MTF1: variants seen among roughly 807,000 people sequenced by gnomAD.
The protein encoded by MTF1 is metal regulatory transcription factor 1.
A neutral mutation model predicts 70.4 loss-of-function variants in MTF1; 22 were observed. The observed-to-expected ratio is 0.31, with a 90% CI of 0.22 to 0.45. MTF1 has a LOEUF of 0.45. Ranked by LOEUF, MTF1 falls within the 20% of genes least tolerant of loss-of-function variation. The pLI, the probability that MTF1 is intolerant of heterozygous loss-of-function variation, is 1.00. For missense variants in MTF1, 649 were observed against 922.0 expected (o/e 0.70, Z 3.83); for synonymous variants, 333 against 352.8 (o/e 0.94, Z 0.63).
At chr1:37,851,830 C>T (rs1456506178) in intron 2 of MTF1, among the ~76,000 whole-genome samples, 2 of 151,510 alleles carry the variant, frequency 1.3e-5, no homozygotes, top group Non-Finnish European at 2.9e-5. Context: ...TGCCTCATCA[C>T]TCTTCTTCCT....
chr1:37,859,367 A>T (rs1240153289), intron 1 of MTF1, among the ~76,000 whole-genome samples, 164 bp downstream of exon 1: 1 of 152,130 alleles, frequency 6.6e-6, no homozygotes, highest in Non-Finnish European at 1.5e-5. Context: ...CCATGGAAAC[A>T]GGGAAGGGGG....
rs990941518 is a variant in MTF1 at position 37,812,702 on chromosome 1, C to T, written c.*2434G>A. On this transcript the variant is annotated 3_prime_UTR_variant, in exon 11 of 11. Coordinates refer to ENST00000373036, the MANE Select transcript of MTF1 (RefSeq NM_005955.3). ...CACTTCCGCCCCAGGGAACCCAAAT[C>T]CCAGGTGACCACAGGATGGGGATAT... 6.6e-6 allele frequency: 1 copy of T among 152,182 alleles called. No homozygotes were observed. The highest frequency in any genetic ancestry group is 6.5e-5 in the Admixed American group (1 of 15,274). The allele number at this position is 152,182 out of a possible 1,614,324, so 9.4% of individuals were successfully genotyped here.
intron 7 of MTF1, among the ~76,000 whole-genome samples, chr1:37,825,328 C>G (rs749593957): frequency 3.3e-5 from 5 of 152,126 alleles, no homozygotes; most frequent in Admixed American, 6.6e-5. Flanking sequence ...CCTTCAACTC[C>G]CGGGCTCAAG....
At chr1:37,854,966 G>C (rs374240656) in intron 2 of MTF1, among the ~76,000 whole-genome samples, 33 of 152,328 alleles carry the variant, frequency 2.2e-4, no homozygotes, top group African/African-American at 7.2e-4. Flanking sequence ...GGCTGAGGCA[G>C]GAGAATCGCT....
chr1:37,826,117 G>T (rs943826900), intron 7 of MTF1, among the ~76,000 whole-genome samples: 1 of 152,150 alleles, frequency 6.6e-6, no homozygotes, highest in Non-Finnish European at 1.5e-5. Flanking sequence ...TTGCCCTAGT[G>T]CCAACATACG....
intron 9 of MTF1, among the ~76,000 whole-genome samples, chr1:37,820,088 G>A (rs942509061): frequency 1.3e-5 from 2 of 152,012 alleles, no homozygotes; most frequent in Non-Finnish European, 2.9e-5. Flanking sequence ...CATGGAGGCG[G>A]GCTGGGTCAC....
chr1:37,852,179 C>T (rs765571531), intron 2 of MTF1, among the ~76,000 whole-genome samples: 1 of 152,292 alleles, frequency 6.6e-6, no homozygotes, highest in Non-Finnish European at 1.5e-5. Context: ...AATTCTCAGG[C>T]CAACTCTTAC....
chr1:37,809,825 T>TG lies in MTF1; in HGVS notation c.*5310_*5311insC, dbSNP rs1640674625. On this transcript the variant is annotated 3_prime_UTR_variant, in exon 11 of 11. Coordinates refer to ENST00000373036, the MANE Select transcript of MTF1 (RefSeq NM_005955.3). ...ACGTTTTCACATCGCTCAGTGGAAG[T>TG]CCGTTGTTCCCATGTTTCACACTTA... 2.0e-5 allele frequency: 3 copies of TG among 152,624 alleles called. No homozygotes were observed. The highest frequency in any genetic ancestry group is 4.4e-5 in the Non-Finnish European group (3 of 68,040). The allele number at this position is 152,624 out of a possible 1,614,324, so 9.5% of individuals were successfully genotyped here.
intron 6 of MTF1, among the ~76,000 whole-genome samples, chr1:37,834,079 A>T (rs1641127652): frequency 6.6e-6 from 1 of 152,024 alleles, no homozygotes; most frequent in African/African-American, 2.4e-5. Context: ...ACACAAAAAA[A>T]ACCTGGGTGT....
At chr1:37,846,164 T>C (rs1481368790) in intron 2 of MTF1, among the ~76,000 whole-genome samples, 4 of 152,150 alleles carry the variant, frequency 2.6e-5, no homozygotes, top group East Asian at 1.9e-4. Context: ...TAGGAATACA[T>C]ATAAAAATTG....
intron 2 of MTF1, among the ~76,000 whole-genome samples, chr1:37,850,579 A>AGG (rs1413087629): frequency 6.6e-6 from 1 of 152,056 alleles, no homozygotes; most frequent in Non-Finnish European, 1.5e-5. Flanking sequence ...AGAGAGAGAG[A>AGG]GAGAGAGAGA....
intron 9 of MTF1, among the ~76,000 whole-genome samples, chr1:37,819,951 C>CAAAAAAAAAAAAA (rs766621404): frequency 3.6e-5 from 3 of 82,698 alleles, no homozygotes; most frequent in South Asian, 4.7e-4. Context: ...GACTCTGACT[C>CAAAAAAAAAAAAA]AAAAAAAAAA....
Position 37,810,562 on chromosome 1 carries a change from A to T in MTF1, c.*4574T>A, listed in dbSNP as rs761209021. ...CAGGACTGTTTCCCTCTCTCCCTAA[A>T]AAACATGCAAGAGGAAACAGGCCAA... On this transcript the variant is annotated 3_prime_UTR_variant, in exon 11 of 11. Transcript: ENST00000373036. 1.1e-4 allele frequency: 17 copies of T among 152,342 alleles called. No individual in the cohort carries two copies. The highest frequency in any genetic ancestry group is 2.2e-4 in the Non-Finnish European group (15 of 68,028). 9.4% of individuals were successfully genotyped at this position (152,342 alleles called of 1,614,324 possible). A position where few individuals can be genotyped will look rare whatever the true frequency, so the allele number is the denominator to read the frequency against.
intron 7 of MTF1, among the ~76,000 whole-genome samples, chr1:37,824,903 G>C (rs981115831): frequency 2.6e-5 from 4 of 151,964 alleles, no homozygotes; most frequent in Non-Finnish European, 4.4e-5. Context: ...AAAATGTGAG[G>C]GGGGAGACCC....
At chr1:37,836,939 A>C in intron 4 of MTF1, among the ~76,000 whole-genome samples, 2 of 124,308 alleles carry the variant, frequency 1.6e-5, no homozygotes, top group Non-Finnish European at 1.7e-5. Flanking sequence ...GCCTACGGGA[A>C]GGGGGGCGGC....
chr1:37,856,301 C>T (rs969095831), intron 2 of MTF1, among the ~76,000 whole-genome samples: 1 of 150,012 alleles, frequency 6.7e-6, no homozygotes, highest in Non-Finnish European at 1.5e-5. Context: ...CCTCAGCTTC[C>T]CAAATAGCTG....
At chr1:37,841,637 G>C (rs186262664) in intron 2 of MTF1, 42 of 170,514 alleles carry the variant, frequency 2.5e-4, no homozygotes, top group Non-Finnish European at 3.6e-4. Context: ...ACCCACACCA[G>C]AGTCTCTGTG....
intron 2 of MTF1, among the ~76,000 whole-genome samples, chr1:37,853,685 G>A (rs1054292425): frequency 6.6e-6 from 1 of 152,082 alleles, no homozygotes. Flanking sequence ...TTCCTAAATT[G>A]TATGTATTCT....
chr1:37,856,438 G>A (rs921175570), intron 2 of MTF1, among the ~76,000 whole-genome samples: 3 of 150,696 alleles, frequency 2.0e-5, no homozygotes, highest in African/African-American at 7.3e-5. Flanking sequence ...CCAAAGTGCT[G>A]GGATTACAGA....
Sources: gnomAD v4.1 joint callset for allele counts (sites outside exome capture counted in the v4.1 genomes callset) on GRCh38, gnomAD v4.1.1 for gene constraint, MANE v1.5 for transcripts, NCBI Gene and HGNC (gene_info 2026-07-23, HGNC 2026-07-21) for gene names.